Variants in RREB1 observed in about 807,000 individuals in gnomAD.
The protein encoded by RREB1 is ras-responsive element-binding protein 1.
A neutral mutation model predicts 117.8 loss-of-function variants in RREB1; 27 were observed. That is an observed-to-expected ratio of 0.23 (90% CI 0.17 to 0.32). The LOEUF (loss-of-function observed/expected upper bound fraction) is 0.32. Ranked by LOEUF, RREB1 falls within the 10% of genes least tolerant of loss-of-function variation. The pLI is 1.00. For missense variants in RREB1, 2,577 were observed against 2,378.2 expected (o/e 1.08, Z -1.74); for synonymous variants, 1,298 against 1,026.7 (o/e 1.26, Z -5.05).
At chr6:7,179,361 C>T (rs1364669160) in intron 2 of RREB1, among the ~76,000 whole-genome samples, 1 of 152,010 alleles carries the variant, frequency 6.6e-6, no homozygotes, top group Admixed American at 6.5e-5. Flanking sequence ...TGGGCTCAAG[C>T]AATCCTACCG....
intron 1 of RREB1, among the ~76,000 whole-genome samples, chr6:7,109,080 C>T (rs1333684249): frequency 6.6e-6 from 1 of 151,648 alleles, no homozygotes; most frequent in Non-Finnish European, 1.5e-5. Context: ...CCGGGAGCAT[C>T]CGAGGCGGGG....
chr6:7,188,786 G>A (rs951292772), intron 5 of RREB1, among the ~76,000 whole-genome samples: 3 of 152,164 alleles, frequency 2.0e-5, no homozygotes, highest in Non-Finnish European at 2.9e-5. Flanking sequence ...AAGAAGGGAC[G>A]TTGACTCCTT....
At chr6:7,128,417 A>G (rs1425901632) in intron 1 of RREB1, among the ~76,000 whole-genome samples, 2 of 152,042 alleles carry the variant, frequency 1.3e-5, no homozygotes, top group Admixed American at 6.6e-5. Context: ...AGTGGGTTCG[A>G]CCAGGGCACA....
intron 6 of RREB1, among the ~76,000 whole-genome samples, chr6:7,208,593 C>T (rs1034746442): frequency 6.6e-6 from 1 of 152,226 alleles, no homozygotes; most frequent in Non-Finnish European, 1.5e-5. Context: ...CTGGAGTGAG[C>T]CGCTGTCTGT....
intron 11 of RREB1, among the ~76,000 whole-genome samples, chr6:7,242,700 A>AGG (rs77140508): frequency 0.11 from 14,537 of 134,370 alleles, 1,154 homozygotes; most frequent in East Asian, 0.21. Flanking sequence ...CTTAAAAAAA[A>AGG]GGGGGGGGGG....
intron 1 of RREB1, among the ~76,000 whole-genome samples, chr6:7,142,185 A>T (rs558446816): frequency 6.6e-6 from 1 of 151,718 alleles, no homozygotes; most frequent in South Asian, 2.1e-4. Context: ...ACCGCACTCC[A>T]GCCTGGGCAA....
At chr6:7,170,972 G>A (rs1764178514) in intron 1 of RREB1, among the ~76,000 whole-genome samples, 1 of 152,188 alleles carries the variant, frequency 6.6e-6, no homozygotes, top group Non-Finnish European at 1.5e-5. Context: ...TCTGGGGTGG[G>A]ACTGAGAATT....
intron 1 of RREB1, among the ~76,000 whole-genome samples, chr6:7,135,290 G>A (rs529385184): frequency 3.3e-5 from 5 of 152,216 alleles, no homozygotes; most frequent in East Asian, 1.9e-4. Context: ...ATCAGTAAAC[G>A]TAAACAAAAA....
chr6:7,246,708 T>C lies in RREB1; in HGVS notation c.4258T>C (p.Phe1420Leu). 3 of 1,584,802 alleles carry C rather than the reference T, an allele frequency of 1.9e-6. No homozygotes were observed. The highest frequency in any genetic ancestry group is 2.6e-6 in the Non-Finnish European group (3 of 1,166,010). ...ASSNQSLDLD[F>L]ATKLMDFKLA... ...GAGCAACCAGAGCCTGGACCTGGACTTCGCCACCAAGCTCATGGACTTCAA... is the reference window on the plus strand; with the variant it reads ...GAGCAACCAGAGCCTGGACCTGGACCTCGCCACCAAGCTCATGGACTTCAA... Residue 1420 changes from phenylalanine (F) to leucine (L), a missense_variant, in exon 12 of 13, where the codon TTC (phenylalanine) becomes CTC (leucine). Physicochemically the swap from Phe to Leu is conservative, Grantham distance 22. Transcript: ENST00000379938.
At chr6:7,232,200 C>T (rs1354267413) in intron 10 of RREB1, among the ~76,000 whole-genome samples, 1 of 152,180 alleles carries the variant, frequency 6.6e-6, no homozygotes, top group African/African-American at 2.4e-5. Flanking sequence ...TCACTCATGG[C>T]GTCGCCTCAT....
chr6:7,215,811 T>C lies in RREB1; in HGVS notation c.707+4102T>C, dbSNP rs186773943. The stretch of plus-strand genomic sequence containing the variant: ...CTGACTCTTTGAAATCTGGTGTGTG[T>C]GACGTGACCCCAGCCCGTCTTGGCT... On this transcript the variant is annotated intron_variant, in intron 8 of 12. Coordinates refer to ENST00000379938, the MANE Select transcript of RREB1 (RefSeq NM_001003699.4). 2.6e-5 allele frequency: 4 copies of C among 152,356 alleles called. No individual in the cohort carries two copies. In the East Asian group the frequency reaches 7.7e-4, roughly 29 times the overall value. The allele number at this position is 152,356 out of a possible 1,614,324, so 9.4% of individuals were successfully genotyped here.
chr6:7,199,710 G>A (rs1054263588), intron 6 of RREB1, among the ~76,000 whole-genome samples: 22 of 151,756 alleles, frequency 1.4e-4, no homozygotes, highest in African/African-American at 5.3e-4. Context: ...GTCTCCCAGG[G>A]TGGAGTGCAG....
chr6:7,202,112 G>A (rs1323754076), intron 6 of RREB1, among the ~76,000 whole-genome samples: 2 of 152,076 alleles, frequency 1.3e-5, no homozygotes, highest in Admixed American at 6.6e-5. Flanking sequence ...TCAGTGGCCC[G>A]TAAGTAATAT....
At chr6:7,145,816 T>C (rs748226683) in intron 1 of RREB1, among the ~76,000 whole-genome samples, 10 of 151,580 alleles carry the variant, frequency 6.6e-5, no homozygotes, top group Admixed American at 1.3e-4. Flanking sequence ...GTCTTTTTCT[T>C]TGGGACTTTT....
chr6:7,178,016 C>T (rs1180315085), intron 2 of RREB1, among the ~76,000 whole-genome samples: 1 of 152,100 alleles, frequency 6.6e-6, no homozygotes, highest in African/African-American at 2.4e-5. Flanking sequence ...AGCCACTGTG[C>T]CCGGCCCCGG....
intron 1 of RREB1, among the ~76,000 whole-genome samples, chr6:7,159,785 ACTGCCGTAGTT>A (rs1284122356): frequency 6.6e-6 from 1 of 152,216 alleles, no homozygotes; most frequent in African/African-American, 2.4e-5. Context: ...GGGTCAGACC[ACTGCCGTAGTT>A]CTGTCCTTTC....
rs771812048 is a variant in RREB1 at position 7,229,089 on chromosome 6, A to G, written c.990A>G (p.Ser330=). Residue 330 remains serine (S), a synonymous_variant, in exon 10 of 13, where the codon TCA becomes TCG. Transcript: ENST00000379938. This position sits in a 1 kb window ranked among gnomAD's most constrained non-coding sequence, Gnocchi z 4.5. ...ACAAGGCGTTCCCCATGCTCTGCTC[A>G]CTGGCTCTGCACAAGCAGACCCATG... ...TCDKAFPMLC[S]LALHKQTHVA... 1.3e-6 allele frequency: 2 copies of G among 1,599,416 alleles called. No individual in the cohort carries two copies. Among genetic ancestry groups the G allele is most frequent in the African/African-American group, 1.3e-5 (1 of 74,686 alleles).
chr6:7,200,525 T>C (rs184450287), intron 6 of RREB1, among the ~76,000 whole-genome samples: 17 of 152,312 alleles, frequency 1.1e-4, no homozygotes, highest in African/African-American at 4.1e-4. Context: ...CACCTCAGCC[T>C]CCCAAAGTGC....
chr6:7,115,351 T>G (rs1761346544), intron 1 of RREB1, among the ~76,000 whole-genome samples: 1 of 137,266 alleles, frequency 7.3e-6, no homozygotes, highest in African/African-American at 2.7e-5. Flanking sequence ...CCCTTGGCCT[T>G]CCCCCCCACC....
Sources: allele counts gnomAD v4.1 joint callset (sites outside exome capture counted in the v4.1 genomes callset), GRCh38; gene constraint gnomAD v4.1.1; non-coding constraint Gnocchi (gnomAD v3.1); transcripts MANE v1.5; gene names NCBI Gene and HGNC (gene_info 2026-07-23, HGNC 2026-07-21).